KCNK13: variants seen among roughly 807,000 people sequenced by gnomAD.
KCNK13 encodes the protein potassium channel subfamily K member 13.
Under a neutral mutation model 23.4 loss-of-function variants are expected in KCNK13, and 12 were observed. The observed-to-expected ratio is 0.51, with a 90% CI of 0.33 to 0.83. The LOEUF (loss-of-function observed/expected upper bound fraction) is 0.83. KCNK13 is among the 40% of genes least tolerant of loss of function. The pLI, the probability that KCNK13 is intolerant of heterozygous loss-of-function variation, is 0.02. For missense variants in KCNK13, 463 were observed against 556.3 expected, an observed-to-expected ratio of 0.83 and a Z score of 1.69; for synonymous variants, 231 against 229.5, an observed-to-expected ratio of 1.01 and a Z score of -0.06.
At chr14:90,139,541 T>A (rs1309724461) in intron 1 of KCNK13, among the ~76,000 whole-genome samples, 1 of 152,092 alleles carries the variant, frequency 6.6e-6, no homozygotes, top group East Asian at 1.9e-4. Context: ...CGTTGAAGGA[T>A]TCTAAGCAAG....
rs1182190430 is a variant in KCNK13 at position 90,166,877 on chromosome 14, C to T, written c.335-17234C>T. 5.9e-5 allele frequency among the ~76,000 whole-genome samples: 9 copies of T among 152,212 alleles called. No individual in the cohort carries two copies. The East Asian group carries it at 1.7e-3, about 29-fold the overall frequency. On this transcript the variant is annotated intron_variant, in intron 1 of 1. Transcript: ENST00000282146. Reference sequence around the variant, plus strand: ...GCCCTGCACACACACACCCAAATCACAGAATATTGACATTGGAAGGTCCTT... The same window carrying T: ...GCCCTGCACACACACACCCAAATCATAGAATATTGACATTGGAAGGTCCTT...
intron 1 of KCNK13, among the ~76,000 whole-genome samples, chr14:90,154,803 A>T (rs1002802782): frequency 2.6e-5 from 4 of 152,232 alleles, no homozygotes; most frequent in African/African-American, 9.6e-5. Flanking sequence ...TATTAATTTA[A>T]TTAGCTAGCC....
At chr14:90,134,651 G>A (rs576374608) in intron 1 of KCNK13, among the ~76,000 whole-genome samples, 12 of 152,188 alleles carry the variant, frequency 7.9e-5, no homozygotes, top group African/African-American at 2.2e-4. Context: ...TAGGATAATC[G>A]TATGATAGAT....
intron 1 of KCNK13, among the ~76,000 whole-genome samples, chr14:90,111,154 C>T (rs1889611485): frequency 6.6e-6 from 1 of 152,164 alleles, no homozygotes. Context: ...CATTTCTAGA[C>T]ATCTCCAGAT....
Position 90,138,073 on chromosome 14 carries a change from G to A in KCNK13, c.335-46038G>A, listed in dbSNP as rs913915028. On this transcript the variant is annotated intron_variant, in intron 1 of 1. Coordinates refer to ENST00000282146, the MANE Select transcript of KCNK13 (RefSeq NM_022054.4). Reference sequence around the variant, plus strand: ...TAGTACCCATAACAGAGAAAAAAATGTAGGGTCAAGAACCTGAAAGTCAAA... The same window carrying A: ...TAGTACCCATAACAGAGAAAAAAATATAGGGTCAAGAACCTGAAAGTCAAA... Among the ~76,000 whole-genome samples, 3 of 152,134 alleles carry A rather than the reference G, an allele frequency of 2.0e-5. No homozygotes were observed. In the East Asian group the frequency reaches 5.8e-4, roughly 29 times the overall value.
chr14:90,175,833 G>A (rs529961358), intron 1 of KCNK13, among the ~76,000 whole-genome samples: 1 of 152,240 alleles, frequency 6.6e-6, no homozygotes, highest in Non-Finnish European at 1.5e-5. Flanking sequence ...GCCTTGGCTT[G>A]GGCTTTACTC....
chr14:90,154,127 T>C (rs61996880), intron 1 of KCNK13, among the ~76,000 whole-genome samples: 74,578 of 152,090 alleles, frequency 0.49, 19,632 homozygotes, highest in East Asian at 0.94. Context: ...GCTCTGAAAC[T>C]ATGAGAATGT....
chr14:90,128,990 G>A (rs1889836198), intron 1 of KCNK13, among the ~76,000 whole-genome samples: 1 of 152,064 alleles, frequency 6.6e-6, no homozygotes, highest in Non-Finnish European at 1.5e-5. Flanking sequence ...CCTGAACTGG[G>A]TAATTATCAT....
At chr14:90,091,195 T>A (rs1260372756) in intron 1 of KCNK13, among the ~76,000 whole-genome samples, 1 of 152,202 alleles carries the variant, frequency 6.6e-6, no homozygotes, top group South Asian at 2.1e-4. Context: ...TTTTTTTAAA[T>A]TGCATCCAGT....
At chr14:90,067,325 A>G (rs1889021288) in intron 1 of KCNK13, among the ~76,000 whole-genome samples, 3 of 152,218 alleles carry the variant, frequency 2.0e-5, no homozygotes, top group African/African-American at 7.2e-5. Flanking sequence ...ATGGACCTTG[A>G]AAATAATTAT....
intron 1 of KCNK13, among the ~76,000 whole-genome samples, chr14:90,114,436 C>T (rs765355701): frequency 5.9e-5 from 9 of 152,128 alleles, no homozygotes; most frequent in Admixed American, 2.6e-4. Context: ...TGGGGCATGA[C>T]CTCGGCTTTG....
chr14:90,185,756 A>G lies in KCNK13; in HGVS notation c.*753A>G, dbSNP rs898452698. 2.0e-5 allele frequency: 3 copies of G among 152,210 alleles called. No individual in the cohort carries two copies. The highest frequency in any genetic ancestry group is 7.2e-5 in the African/African-American group (3 of 41,436). The allele number at this position is 152,210 out of a possible 1,614,324, so 9.4% of individuals were successfully genotyped here. A position where few individuals can be genotyped will look rare whatever the true frequency, so the allele number is the denominator to read the frequency against. ...CTTAACATTTTCCCTTTGAATGGTC[A>G]CACAGACCATTTCATTTTTACCAGG... On this transcript the variant is annotated 3_prime_UTR_variant, in exon 2 of 2. Transcript: ENST00000282146.
At chr14:90,181,917 A>G (rs573635727) in intron 1 of KCNK13, among the ~76,000 whole-genome samples, 19 of 152,268 alleles carry the variant, frequency 1.2e-4, no homozygotes, top group East Asian at 9.7e-4. Context: ...TTTAGTAACT[A>G]CAGAAGCAAT....
In KCNK13 at chr14:90,184,186, G is replaced by C. The variant is rs1890518354; in HGVS notation, c.410G>C (p.Ser137Thr). ...LIFYGLVGCS[S>T]TILFFNLFLE... ...TTTTACGGCCTTGTTGGGTGTTCCAGCACCATCTTGTTCTTCAACCTCTTC... is the reference window on the plus strand; with the variant it reads ...TTTTACGGCCTTGTTGGGTGTTCCACCACCATCTTGTTCTTCAACCTCTTC... The change falls in exon 2 of 2, where the codon AGC becomes ACC. Residue 137 changes from serine (S) to threonine (T), a missense_variant. Physicochemically the swap from Ser to Thr is moderately conservative, Grantham distance 58. This residue lies in a region of KCNK13 where 144 missense variants were observed against 224.0 expected (regional missense o/e 0.64). Transcript: ENST00000282146. This position sits in a 1 kb window ranked among gnomAD's most constrained non-coding sequence, Gnocchi z 5.6. 1.2e-6 allele frequency: 2 copies of C among 1,614,116 alleles called. No individual in the cohort carries two copies. The highest frequency in any genetic ancestry group is 1.7e-6 in the Non-Finnish European group (2 of 1,180,058).
chr14:90,138,460 T>A (rs1889964217), intron 1 of KCNK13, among the ~76,000 whole-genome samples: 1 of 152,238 alleles, frequency 6.6e-6, no homozygotes, highest in Admixed American at 6.5e-5. Flanking sequence ...GTGCTTAAAG[T>A]GTTTAGCCCA....
rs545600683 is a variant in KCNK13 at position 90,171,987 on chromosome 14, G to A, written c.335-12124G>A. 2.6e-5 allele frequency among the ~76,000 whole-genome samples: 4 copies of A among 152,222 alleles called. No individual in the cohort carries two copies. In the East Asian group the frequency reaches 7.7e-4, roughly 29 times the overall value. ...TCATTCTGTCTTGCAGAACTCAGTG[G>A]GCAGTGTTCTTGATGGGAAAAAATT... On this transcript the variant is annotated intron_variant, in intron 1 of 1. Transcript: ENST00000282146.
intron 1 of KCNK13, among the ~76,000 whole-genome samples, chr14:90,101,790 C>CAAAAAAAA (rs546423368): frequency 1.3e-3 from 74 of 55,564 alleles, no homozygotes; most frequent in African/African-American, 2.6e-3. Context: ...ACTCCGTCTC[C>CAAAAAAAA]AAAAAAAAAA....
intron 1 of KCNK13, among the ~76,000 whole-genome samples, chr14:90,133,986 C>T (rs1174549536): frequency 1.3e-5 from 2 of 152,268 alleles, no homozygotes; most frequent in East Asian, 3.9e-4. Flanking sequence ...TCGGGTCGGG[C>T]ACCAATTATG....
intron 1 of KCNK13, among the ~76,000 whole-genome samples, chr14:90,068,157 C>G (rs28538973): frequency 0.26 from 38,822 of 151,964 alleles, 5,297 homozygotes; most frequent in Admixed American, 0.34. Flanking sequence ...CCACCACCTG[C>G]AAGTAGCACA....
Sources: gnomAD v4.1 joint callset for allele counts (sites outside exome capture counted in the v4.1 genomes callset) on GRCh38, gnomAD v4.1.1 for gene constraint, gnomAD v4.1.1 regional missense constraint, Gnocchi (gnomAD v3.1) non-coding constraint, MANE v1.5 for transcripts, NCBI Gene and HGNC (gene_info 2026-07-23, HGNC 2026-07-21) for gene names.